Variants in KMT2C observed in about 807,000 individuals in gnomAD.
The protein encoded by KMT2C is histone-lysine N-methyltransferase 2C.
KMT2C carries 88 observed loss-of-function variants against 507.9 expected under a neutral mutation model. The observed-to-expected ratio is 0.17, with a 90% CI of 0.15 to 0.21. The LOEUF is 0.21. KMT2C is among the 10% of genes least tolerant of loss of function. The probability of loss-of-function intolerance (pLI) is 1.00; values close to 1 mark genes in which losing one functional copy is unlikely to be tolerated. For synonymous variants in KMT2C, 2,049 were observed against 2,080.8 expected (o/e 0.98, Z 0.42); for missense variants, 4,954 against 5,957.8 (o/e 0.83, Z 5.55).
chr7:152,188,681 C>A (rs1247485558), intron 31 of KMT2C, among the ~76,000 whole-genome samples: 1 of 136,596 alleles, frequency 7.3e-6, no homozygotes, highest in Admixed American at 7.8e-5. Context: ...GGCAAGATCT[C>A]AGCTCACTGC....
intron 48 of KMT2C, among the ~76,000 whole-genome samples, 188 bp from the exon 49 acceptor site, chr7:152,153,142 GA>G (rs34231049): frequency 7.2e-6 from 1 of 138,036 alleles, no homozygotes; most frequent in African/African-American, 2.9e-5. Context: ...TCCAAAAAAA[GA>G]AATTTATAAA....
intron 1 of KMT2C, among the ~76,000 whole-genome samples, chr7:152,426,316 T>C (rs1027534924): frequency 6.6e-5 from 10 of 150,436 alleles, no homozygotes; most frequent in African/African-American, 2.5e-4. Flanking sequence ...CAGCTCACTG[T>C]AGCCTCCAAC....
At chr7:152,310,566 A>G (rs1407306997) in intron 5 of KMT2C, among the ~76,000 whole-genome samples, 1 of 152,208 alleles carries the variant, frequency 6.6e-6, no homozygotes, top group Non-Finnish European at 1.5e-5. Context: ...CTCCGTCTCA[A>G]AATAAAAACC....
At chr7:152,141,570 G>A (rs189564381) in intron 55 of KMT2C, among the ~76,000 whole-genome samples, 10 of 150,730 alleles carry the variant, frequency 6.6e-5, no homozygotes, top group South Asian at 4.2e-4. Flanking sequence ...AAAATTAGCC[G>A]GGCATGGTAG....
In KMT2C at chr7:152,187,695, A is replaced by G. The variant is rs769102744; in HGVS notation, c.4793+20T>C. 3.1e-6 allele frequency: 5 copies of G among 1,600,376 alleles called. No homozygotes were observed. In the South Asian group the frequency reaches 5.7e-5, roughly 18 times the overall value. ...AGAAATTAGTGCAATTTAAGTTTCC[A>G]TAGAAAATAAGGCTTGTACCTGGCA... On this transcript the variant is annotated intron_variant, in intron 32 of 58. Transcript: ENST00000262189.
chr7:152,342,284 T>C (rs945332448), intron 2 of KMT2C, among the ~76,000 whole-genome samples: 3 of 152,306 alleles, frequency 2.0e-5, no homozygotes, highest in African/African-American at 7.2e-5. Flanking sequence ...TAGTCACAAA[T>C]GGTAATCTTG....
At chr7:152,259,289 T>C (rs1324522691) in intron 9 of KMT2C, among the ~76,000 whole-genome samples, 3 of 151,964 alleles carry the variant, frequency 2.0e-5, no homozygotes, top group Admixed American at 6.6e-5. Context: ...TGATGTAAGT[T>C]TAGGAAGTTG....
intron 1 of KMT2C, among the ~76,000 whole-genome samples, chr7:152,370,300 CA>C (rs1462298511): frequency 1.3e-5 from 2 of 152,022 alleles, no homozygotes; most frequent in African/African-American, 4.8e-5. Flanking sequence ...GACAAACTAC[CA>C]AAACTCACCC....
Position 152,144,258 on chromosome 7 carries a change from C to G in KMT2C, c.14343+455G>C, listed in dbSNP as rs2090889466. Among the ~76,000 whole-genome samples, 1 of 152,188 alleles carries G rather than the reference C, an allele frequency of 6.6e-6. No individual in the cohort carries two copies. Among genetic ancestry groups the G allele is most frequent in the African/African-American group, 2.4e-5 (1 of 41,434 alleles). On this transcript the variant is annotated intron_variant, in intron 55 of 58. Coordinates refer to ENST00000262189, the MANE Select transcript of KMT2C (RefSeq NM_170606.3). This position sits in a 1 kb window ranked among gnomAD's most constrained non-coding sequence, Gnocchi z 4.4. ...CTTAAATGCTTAGCCTATACACGGC[C>G]TTACTTGTAAGATAGTCCACAGTCT...
At chr7:152,210,594 C>G (rs1286001304) in intron 23 of KMT2C, among the ~76,000 whole-genome samples, 3 of 151,470 alleles carry the variant, frequency 2.0e-5, no homozygotes, top group Non-Finnish European at 4.4e-5. Flanking sequence ...TTATGTGTGG[C>G]CCAAGACAAT....
chr7:152,199,251 G>C (rs1306143466), intron 27 of KMT2C, 28 bp downstream of exon 27: 2 of 1,538,732 alleles, frequency 1.3e-6, no homozygotes, highest in Non-Finnish European at 1.8e-6. Flanking sequence ...ATGATATAAA[G>C]AAAATATCTG....
intron 6 of KMT2C, among the ~76,000 whole-genome samples, chr7:152,280,640 T>C (rs2129181284): frequency 6.6e-6 from 1 of 152,234 alleles, no homozygotes. Context: ...CCCCAGAGCT[T>C]CCACCCAGGT....
At chr7:152,139,601 G>C (rs2090289854) in intron 56 of KMT2C, 74 bp downstream of exon 56, 1 of 988,480 alleles carries the variant, frequency 1.0e-6, no homozygotes, top group African/African-American at 1.6e-5. Flanking sequence ...CTGCCTTCCA[G>C]GGTGTCTGGC....
At chr7:152,424,684 A>G (rs2116753671) in intron 1 of KMT2C, among the ~76,000 whole-genome samples, 1 of 152,300 alleles carries the variant, frequency 6.6e-6, no homozygotes. Context: ...TTGGCCTCCC[A>G]GAGTGCTGGG....
intron 6 of KMT2C, among the ~76,000 whole-genome samples, chr7:152,282,726 C>T (rs976692796): frequency 6.6e-6 from 1 of 151,672 alleles, no homozygotes; most frequent in African/African-American, 2.4e-5. Flanking sequence ...ATTTCTGGGG[C>T]GCTATTATTT....
rs369143780 is a variant in KMT2C, at chr7:152,199,305, G to C, written c.4247C>G (p.Ser1416Trp). ...PSLDPLLSSSSAPTKSGTHGP... is the reference protein window; with the variant it reads ...PSLDPLLSSSWAPTKSGTHGP... ...GTGAGTTCCAGATTTTGTTGGAGCC[G>C]AGGATGAACTAAGTAGTGGATCTAA... The change falls in exon 27 of 59, where the codon TCG becomes TGG. Residue 1416 changes from serine (S) to tryptophan (W), a missense_variant. By Grantham distance (177) the Ser-to-Trp change is radical. Around this residue, in one of 29 missense-constraint regions of KMT2C, gnomAD observed 140 missense variants for 118.4 expected, o/e 1.18. Transcript: ENST00000262189. 6.3e-7 allele frequency: 1 copy of C among 1,596,232 alleles called. No homozygotes were observed. Among genetic ancestry groups the C allele is most frequent in the Non-Finnish European group, 8.5e-7 (1 of 1,174,128 alleles).
chr7:152,395,010 C>T (rs2097528218), intron 1 of KMT2C, among the ~76,000 whole-genome samples: 1 of 151,936 alleles, frequency 6.6e-6, no homozygotes, highest in South Asian at 2.1e-4. Context: ...AAATAGGGTA[C>T]TGGTAGGCAG....
At chr7:152,160,165 A>AT (rs995873584) in intron 43 of KMT2C, among the ~76,000 whole-genome samples, 1 of 152,040 alleles carries the variant, frequency 6.6e-6, no homozygotes, top group South Asian at 2.1e-4. Flanking sequence ...TCTTCCTTAG[A>AT]TTTTTTTTCA....
At chr7:152,326,112 T>C (rs1000062206) in intron 3 of KMT2C, among the ~76,000 whole-genome samples, 4 of 152,188 alleles carry the variant, frequency 2.6e-5, no homozygotes, top group Non-Finnish European at 5.9e-5. Context: ...AATTTATTAG[T>C]GTGTTACAAA....
Sources: allele counts gnomAD v4.1 joint callset (sites outside exome capture counted in the v4.1 genomes callset), GRCh38; gene constraint gnomAD v4.1.1; regional missense constraint gnomAD v4.1.1; non-coding constraint Gnocchi (gnomAD v3.1); transcripts MANE v1.5; gene names NCBI Gene and HGNC (gene_info 2026-07-23, HGNC 2026-07-21).